Variants in XRN2 observed in about 807,000 individuals in gnomAD.
XRN2 encodes the protein 5'-3' exoribonuclease 2, also known as DHM1-like protein.
Under a neutral mutation model 138.5 loss-of-function variants are expected in XRN2, and 44 were observed. The ratio of observed to expected loss-of-function variants is 0.32; its 90% CI spans 0.25 to 0.41. XRN2 has a LOEUF of 0.41. XRN2 is among the 10% of genes least tolerant of loss of function. The pLI is 1.00. For missense variants in XRN2, 937 were observed against 1,169.3 expected (o/e 0.80, Z 2.90); for synonymous variants, 354 against 369.4 (o/e 0.96, Z 0.48).
chr20:21,331,517 A>G, intron 6 of XRN2, 44 bp from the exon 7 acceptor site: 1 of 1,524,964 alleles, frequency 6.6e-7, no homozygotes, highest in Non-Finnish European at 9.0e-7. Context: ...TTGTGCCTAT[A>G]GAAAATTGGG....
intron 20 of XRN2, among the ~76,000 whole-genome samples, chr20:21,354,230 G>A (rs2038548553): frequency 6.6e-6 from 1 of 152,082 alleles, no homozygotes; most frequent in South Asian, 2.1e-4. Flanking sequence ...AGTTATTTAA[G>A]CAAGTCTTTA....
intron 13 of XRN2, among the ~76,000 whole-genome samples, chr20:21,335,938 A>G (rs1302033062): frequency 1.3e-5 from 2 of 152,174 alleles, no homozygotes; most frequent in Non-Finnish European, 2.9e-5. Context: ...GCATGATTGG[A>G]CACCAGGGGA....
At chr20:21,304,650 A>T (rs967735511) in intron 1 of XRN2, among the ~76,000 whole-genome samples, 6 of 152,190 alleles carry the variant, frequency 3.9e-5, no homozygotes, top group Admixed American at 2.6e-4. Context: ...TTCTAGCTGG[A>T]ATAGGAGAGG....
In XRN2 at chr20:21,305,806, CTCAA is replaced by C. The variant is rs1163898309; in HGVS notation, c.75+2340_75+2343del. Among the ~76,000 whole-genome samples, 4 of 61,136 alleles carry C rather than the reference CTCAA, an allele frequency of 6.5e-5. 2 individuals are homozygous for C. The highest frequency in any genetic ancestry group is 1.5e-4 in the Non-Finnish European group (4 of 27,584). 40.1% of individuals were successfully genotyped at this position (61,136 alleles called of 152,430 possible). On this transcript the variant is annotated intron_variant, in intron 1 of 29. Coordinates refer to ENST00000377191, the MANE Select transcript of XRN2 (RefSeq NM_012255.5). ...TGTCTCCCAGGCTGGAGTGCAGTGG[CTCAA>C]TCAATCTCGGCTCACTGCAAGCTCC...
At chr20:21,311,600 A>G (rs983409031) in intron 1 of XRN2, among the ~76,000 whole-genome samples, 1 of 152,138 alleles carries the variant, frequency 6.6e-6, no homozygotes, top group Non-Finnish European at 1.5e-5. Flanking sequence ...GAATCATTGG[A>G]TCATGTAATT....
intron 1 of XRN2, among the ~76,000 whole-genome samples, chr20:21,324,641 T>C (rs949698694): frequency 1.3e-5 from 2 of 152,144 alleles, no homozygotes. Context: ...TTGATCTGTT[T>C]ACTTGTTTAA....
At chr20:21,380,226 G>C (rs1468599126) in intron 27 of XRN2, among the ~76,000 whole-genome samples, 1 of 152,096 alleles carries the variant, frequency 6.6e-6, no homozygotes, top group African/African-American at 2.4e-5. Flanking sequence ...TGCAAATTTT[G>C]TATATATAAG....
At chr20:21,363,605 G>A (rs1406306102) in intron 24 of XRN2, among the ~76,000 whole-genome samples, 1 of 152,178 alleles carries the variant, frequency 6.6e-6, no homozygotes, top group African/African-American at 2.4e-5. Context: ...GTATTGTTCA[G>A]CTGTTGAGCT....
intron 3 of XRN2, among the ~76,000 whole-genome samples, chr20:21,328,116 C>T (rs2038153343): frequency 6.6e-6 from 1 of 152,058 alleles, no homozygotes; most frequent in Non-Finnish European, 1.5e-5. Flanking sequence ...TTGTGGATCC[C>T]ATTTGGACAC....
intron 20 of XRN2, among the ~76,000 whole-genome samples, chr20:21,353,293 G>A (rs371497756): frequency 7.0e-6 from 1 of 143,276 alleles, no homozygotes; most frequent in Admixed American, 7.0e-5. Context: ...TAGAAAACAA[G>A]CTAGATGATG....
intron 1 of XRN2, among the ~76,000 whole-genome samples, chr20:21,304,880 A>G (rs986384243): frequency 6.6e-6 from 1 of 152,212 alleles, no homozygotes; most frequent in East Asian, 1.9e-4. Flanking sequence ...GGCATCCAAA[A>G]TTAAATGATC....
At position 21,346,491 on chromosome 20, in the gene XRN2, C is replaced by T. The variant is rs148676805; in HGVS notation, c.1606C>T (p.Arg536Trp). 124 of 1,614,116 alleles carry T rather than the reference C, an allele frequency of 7.7e-5. No homozygotes were observed. In the East Asian group the frequency reaches 2.5e-3, roughly 32 times the overall value. The change falls in exon 17 of 30, where the codon CGG becomes TGG. Residue 536 changes from arginine to tryptophan, a missense_variant. Arg to Trp is a moderately radical substitution (Grantham distance 101). Coordinates refer to ENST00000377191, the MANE Select transcript of XRN2 (RefSeq NM_012255.5). ...GGATGCAGCTGATGAGAAATTCCGT[C>T]GGAAAGTTGTGCAGTCGTACGTTGA... ...DVDAADEKFR[R>W]KVVQSYVEGL...
intron 4 of XRN2, among the ~76,000 whole-genome samples, chr20:21,329,436 A>G (rs1302602841): frequency 6.6e-6 from 1 of 152,208 alleles, no homozygotes; most frequent in East Asian, 1.9e-4. Context: ...AATAGACCAG[A>G]AAAGCCACAG....
intron 1 of XRN2, among the ~76,000 whole-genome samples, chr20:21,313,392 C>T (rs1310778833): frequency 6.6e-6 from 1 of 152,146 alleles, no homozygotes; most frequent in African/African-American, 2.4e-5. Flanking sequence ...TGCATGTCCA[C>T]AAATGACTGC....
At chr20:21,330,361 G>A (rs1010056308) in intron 4 of XRN2, 120 bp from the exon 5 acceptor site, 14 of 861,376 alleles carry the variant, frequency 1.6e-5, no homozygotes, top group African/African-American at 3.5e-5. Context: ...ATTTTTCCTC[G>A]GATGACGAGA....
chr20:21,389,441 C>A lies in XRN2; in HGVS notation c.*103C>A. On this transcript the variant is annotated 3_prime_UTR_variant, in exon 30 of 30. Transcript: ENST00000377191. ...AGTAGTTTTTAATAAAACTACAGTACTTTGTGTATTTCTTTTAACTGTGTA... is the reference window on the plus strand; with the variant it reads ...AGTAGTTTTTAATAAAACTACAGTAATTTGTGTATTTCTTTTAACTGTGTA... 1 of 1,044,466 alleles carries A rather than the reference C, an allele frequency of 9.6e-7. No homozygotes were observed. The allele number at this position is 1,044,466 out of a possible 1,614,324, so 64.7% of individuals were successfully genotyped here.
intron 27 of XRN2, among the ~76,000 whole-genome samples, chr20:21,380,024 G>A (rs748814911): frequency 1.3e-5 from 2 of 152,012 alleles, no homozygotes; most frequent in Non-Finnish European, 2.9e-5. Flanking sequence ...GGAAGCTTTC[G>A]TAAGTACCAT....
chr20:21,321,245 G>A (rs950861091), intron 1 of XRN2, among the ~76,000 whole-genome samples: 1 of 150,766 alleles, frequency 6.6e-6, no homozygotes, highest in African/African-American at 2.4e-5. Context: ...GGGCTCAAGT[G>A]CTCTGTCTCG....
chr20:21,351,862 AGTTGGCACTCTTT>A (rs2038514822), intron 20 of XRN2, among the ~76,000 whole-genome samples: 1 of 152,332 alleles, frequency 6.6e-6, no homozygotes, highest in African/African-American at 2.4e-5. Context: ...CCATTGAATA[AGTTGGCACTCTTT>A]GTTGAAAATA....
Sources: gnomAD v4.1 joint callset for allele counts (sites outside exome capture counted in the v4.1 genomes callset) on GRCh38, gnomAD v4.1.1 for gene constraint, MANE v1.5 for transcripts, NCBI Gene and HGNC (gene_info 2026-07-23, HGNC 2026-07-21) for gene names.